SYNPR: variants seen among roughly 807,000 people sequenced by gnomAD.
The protein encoded by SYNPR is synaptoporin.
A neutral mutation model predicts 32.9 loss-of-function variants in SYNPR; 23 were observed. That is an observed-to-expected ratio of 0.70 (90% CI 0.50 to 0.99). The LOEUF (loss-of-function observed/expected upper bound fraction) is 0.99, where lower values mean the gene tolerates loss of function less well. SYNPR is among the 50% of genes least tolerant of loss of function. SYNPR has a pLI of 0.00. For synonymous variants in SYNPR, 146 were observed against 135.9 expected, an observed-to-expected ratio of 1.07 and a Z score of -0.52; for missense variants, 318 against 349.3, an observed-to-expected ratio of 0.91 and a Z score of 0.71.
intron 2 of SYNPR, among the ~76,000 whole-genome samples, chr3:63,290,141 A>AAAAAAAAT (rs11280661): frequency 6.9e-6 from 1 of 145,450 alleles, no homozygotes. Context: ...AAAAACAAAA[A>AAAAAAAAT]AACTCCTTTT....
intron 2 of SYNPR, among the ~76,000 whole-genome samples, chr3:63,342,600 T>A (rs2087384417): frequency 6.6e-6 from 1 of 152,230 alleles, no homozygotes; most frequent in Non-Finnish European, 1.5e-5. Flanking sequence ...GATTTATCTG[T>A]TTTTGTATCA....
At chr3:63,587,941 G>T (rs559656918) in intron 4 of SYNPR, among the ~76,000 whole-genome samples, 160 of 152,108 alleles carry the variant, frequency 1.1e-3, no homozygotes, top group African/African-American at 3.7e-3. Flanking sequence ...TCCCAGTGTG[G>T]TTGTTTGAAA....
intron 2 of SYNPR, among the ~76,000 whole-genome samples, chr3:63,399,800 T>C (rs1358700705): frequency 6.6e-6 from 1 of 152,220 alleles, no homozygotes; most frequent in East Asian, 1.9e-4. Context: ...TGACGCATAT[T>C]TTCTTGCATC....
chr3:63,359,630 T>G (rs1403783396), intron 2 of SYNPR, among the ~76,000 whole-genome samples: 1 of 152,154 alleles, frequency 6.6e-6, no homozygotes, highest in Non-Finnish European at 1.5e-5. Flanking sequence ...GGCCCCAGAC[T>G]TTTGGAGCTT....
chr3:63,251,555 G>T (rs904019790), intron 1 of SYNPR, among the ~76,000 whole-genome samples: 4 of 152,132 alleles, frequency 2.6e-5, no homozygotes, highest in African/African-American at 9.7e-5. Flanking sequence ...GAGCTGTGTG[G>T]TGTAACTAAA....
At chr3:63,534,749 A>G (rs1320651813) in intron 3 of SYNPR, among the ~76,000 whole-genome samples, 1 of 152,176 alleles carries the variant, frequency 6.6e-6, no homozygotes, top group Non-Finnish European at 1.5e-5. Context: ...GAAGGGGACC[A>G]CTGTGTATGA....
chr3:63,450,321 C>G (rs1700355368), intron 2 of SYNPR, among the ~76,000 whole-genome samples: 1 of 152,166 alleles, frequency 6.6e-6, no homozygotes, highest in Admixed American at 6.5e-5. Context: ...CAGATAACAC[C>G]TTCAAACTAT....
chr3:63,207,232 T>A, the SYNPR span, among the ~76,000 whole-genome samples: 1 of 152,228 alleles, frequency 6.6e-6, no homozygotes, highest in East Asian at 1.9e-4. Context: ...GTGTTTACAT[T>A]CAGTGACGTG....
At chr3:63,576,577 G>A (rs1702983556) in intron 4 of SYNPR, among the ~76,000 whole-genome samples, 1 of 152,012 alleles carries the variant, frequency 6.6e-6, no homozygotes, top group African/African-American at 2.4e-5. Context: ...GGATCACGAG[G>A]TCAGGAGATC....
chr3:63,297,223 A>G (rs2086798375), intron 2 of SYNPR, among the ~76,000 whole-genome samples: 1 of 152,162 alleles, frequency 6.6e-6, no homozygotes, highest in South Asian at 2.1e-4. Context: ...TTATTGTTCA[A>G]CACATCACAC....
rs577953513 is a variant in SYNPR at position 63,278,566 on chromosome 3, G to T, written c.18+15G>T. ...CTGTGAGTCAGGTGAGACAGAACTGGGCAGGGCGGCTGGCTGGGAGCAGGG... is the reference window on the plus strand; with the variant it reads ...CTGTGAGTCAGGTGAGACAGAACTGTGCAGGGCGGCTGGCTGGGAGCAGGG... On this transcript the variant is annotated intron_variant, in intron 1 of 5. Coordinates refer to ENST00000478300, the MANE Select transcript of SYNPR (RefSeq NM_001130003.2). 636 of 1,551,044 alleles carry T rather than the reference G, an allele frequency of 4.1e-4. 2 individuals carry two copies. In the African/African-American group the frequency reaches 7.8e-3, roughly 19 times the overall value.
chr3:63,446,561 G>A (rs1341855864), intron 2 of SYNPR, among the ~76,000 whole-genome samples: 1 of 152,094 alleles, frequency 6.6e-6, no homozygotes, highest in Non-Finnish European at 1.5e-5. Context: ...AATCAATAAG[G>A]TTGAAATTTC....
intron 2 of SYNPR, among the ~76,000 whole-genome samples, chr3:63,371,977 C>T (rs2087818255): frequency 6.6e-6 from 1 of 152,178 alleles, no homozygotes; most frequent in East Asian, 1.9e-4. Flanking sequence ...TCTCTCTTCC[C>T]TGCAAGCCCT....
chr3:63,443,216 G>C (rs889733718), intron 2 of SYNPR: 36 of 1,375,084 alleles, frequency 2.6e-5, no homozygotes, highest in Non-Finnish European at 3.1e-5. Flanking sequence ...GGTTGTCACT[G>C]TCTAATAATA....
chr3:63,378,177 CTTT>C (rs2087918556), intron 2 of SYNPR, among the ~76,000 whole-genome samples: 1 of 151,534 alleles, frequency 6.6e-6, no homozygotes, highest in Non-Finnish European at 1.5e-5. Context: ...TGTAATGTAA[CTTT>C]GAGTGTCCAG....
intron 2 of SYNPR, among the ~76,000 whole-genome samples, chr3:63,345,361 A>G (rs2087424381): frequency 6.6e-6 from 1 of 152,240 alleles, no homozygotes; most frequent in Non-Finnish European, 1.5e-5. Context: ...GTTAGAAGCA[A>G]TATGGAGTCA....
intron 2 of SYNPR, among the ~76,000 whole-genome samples, chr3:63,293,621 C>T (rs972984376): frequency 3.3e-5 from 5 of 152,136 alleles, no homozygotes; most frequent in African/African-American, 4.8e-5. Context: ...GACTAGAAGT[C>T]TGAGATTAAA....
chr3:63,353,444 C>T (rs1277308300), intron 2 of SYNPR, among the ~76,000 whole-genome samples: 1 of 152,202 alleles, frequency 6.6e-6, no homozygotes, highest in East Asian at 1.9e-4. Flanking sequence ...TTTGGCTTGA[C>T]ACCTACTATG....
intron 2 of SYNPR, among the ~76,000 whole-genome samples, chr3:63,454,906 C>A (rs535003811): frequency 1.3e-5 from 2 of 152,090 alleles, no homozygotes; most frequent in African/African-American, 4.8e-5. Context: ...AATTTATGAG[C>A]CATGGAGCAT....
Sources: allele counts gnomAD v4.1 joint callset (sites outside exome capture counted in the v4.1 genomes callset), GRCh38; gene constraint gnomAD v4.1.1; transcripts MANE v1.5; gene names NCBI Gene and HGNC (gene_info 2026-07-23, HGNC 2026-07-21).